The following C3orf33 variants were observed in gnomAD, a reference collection of about 807,000 sequenced individuals.
C3orf33 encodes the protein mitochondrial inner membrane subdomain organizer 1.
C3orf33 carries 23 observed loss-of-function variants against 28.7 expected under a neutral mutation model. That is an observed-to-expected ratio of 0.80 (90% CI 0.58 to 1.13). The LOEUF (loss-of-function observed/expected upper bound fraction) is 1.13, where lower values mean the gene tolerates loss of function less well. Ranked by LOEUF, C3orf33 falls within the 50% of genes most tolerant of loss-of-function variation. The pLI, the probability that C3orf33 is intolerant of heterozygous loss-of-function variation, is 0.00. For synonymous variants in C3orf33, 119 were observed against 120.5 expected (o/e 0.99, Z 0.08); for missense variants, 327 against 353.4 (o/e 0.93, Z 0.60).
intron 4 of C3orf33, among the ~76,000 whole-genome samples, chr3:155,764,635 A>G (rs966598815): frequency 9.2e-5 from 14 of 151,852 alleles, no homozygotes; most frequent in African/African-American, 3.4e-4. Flanking sequence ...GGCAGATCAC[A>G]AGGTCAGGAG....
chr3:155,779,885 G>A (rs1750865707), intron 2 of C3orf33, among the ~76,000 whole-genome samples: 1 of 152,118 alleles, frequency 6.6e-6, no homozygotes, highest in African/African-American at 2.4e-5. Context: ...AAAATCAAAG[G>A]AGCACCAATG....
intron 2 of C3orf33, among the ~76,000 whole-genome samples, chr3:155,798,751 A>C (rs907698856): frequency 6.6e-6 from 1 of 152,176 alleles, no homozygotes; most frequent in Non-Finnish European, 1.5e-5. Context: ...ACAGGCAACC[A>C]AAGAAAAAAT....
chr3:155,771,752 C>T (rs1750600056), intron 3 of C3orf33, among the ~76,000 whole-genome samples: 1 of 152,184 alleles, frequency 6.6e-6, no homozygotes, highest in Admixed American at 6.6e-5. Context: ...GTGAATCCCT[C>T]TATCTTCTGA....
At chr3:155,794,211 C>T (rs527798435) in intron 2 of C3orf33, among the ~76,000 whole-genome samples, 322 of 152,194 alleles carry the variant, frequency 2.1e-3, no homozygotes, top group Non-Finnish European at 3.7e-3. Flanking sequence ...AAACTCCTGA[C>T]CTCAGGTGAT....
chr3:155,771,036 T>TGTGTGTGA (rs1270792676), intron 3 of C3orf33, among the ~76,000 whole-genome samples: 7 of 150,440 alleles, frequency 4.7e-5, no homozygotes, highest in African/African-American at 1.5e-4. Flanking sequence ...TGTGTGTGTG[T>TGTGTGTGA]GTGTGTGTGT....
At position 155,792,039 on chromosome 3, in the gene C3orf33, T is replaced by C. The variant is rs140093161; in HGVS notation, c.174+10493A>G. 4.1e-3 allele frequency among the ~76,000 whole-genome samples: 618 copies of C among 152,194 alleles called. 5 individuals are homozygous for C. The highest frequency in any genetic ancestry group is 0.014 in the African/African-American group (574 of 41,540). On this transcript the variant is annotated intron_variant, in intron 2 of 4. Transcript: ENST00000340171. ...GCCCTGGGAGAGACGCAGTGCTGTGTTGGCTTCAGGTCTGACCAAATACAA... is the reference window on the plus strand; with the variant it reads ...GCCCTGGGAGAGACGCAGTGCTGTGCTGGCTTCAGGTCTGACCAAATACAA...
rs1750454956 is a variant in C3orf33 at position 155,767,676 on chromosome 3, A to C, written c.323-7T>G. The C allele has an allele frequency of 1.3e-6, 2 of 1,507,722 alleles. No individual in the cohort carries two copies. Among genetic ancestry groups the C allele is most frequent in the Non-Finnish European group, 1.8e-6 (2 of 1,118,160 alleles). The allele number at this position is 1,507,722 out of a possible 1,614,324, so 93.4% of individuals were successfully genotyped here. ...AAAGCACCACGTGGCTCTTCTAAAAAGGTTAGGTAGAAAAGAGTTTAGCTT... is the reference window on the plus strand; with the variant it reads ...AAAGCACCACGTGGCTCTTCTAAAACGGTTAGGTAGAAAAGAGTTTAGCTT... On this transcript the variant is annotated splice_region_variant and splice_polypyrimidine_tract_variant and intron_variant, in intron 3 of 4. Transcript: ENST00000340171.
intron 4 of C3orf33, among the ~76,000 whole-genome samples, chr3:155,766,837 C>A (rs1750420385): frequency 6.6e-6 from 1 of 152,108 alleles, no homozygotes. Flanking sequence ...GTAGTCCCAG[C>A]TACTTGGGAG....
At chr3:155,769,416 A>C (rs1486739595) in intron 3 of C3orf33, among the ~76,000 whole-genome samples, 1 of 150,472 alleles carries the variant, frequency 6.6e-6, no homozygotes, top group African/African-American at 2.5e-5. Flanking sequence ...TCAATCTAGG[A>C]GGCAGAAGCT....
intron 2 of C3orf33, among the ~76,000 whole-genome samples, chr3:155,793,829 T>A (rs200878309): frequency 0.027 from 2,262 of 83,876 alleles, 186 homozygotes; most frequent in African/African-American, 0.079. Flanking sequence ...AAAAAAAAAC[T>A]AAAAAAACTA....
Position 155,763,569 on chromosome 3 carries a change from A to G in C3orf33, c.833T>C (p.Ile278Thr), listed in dbSNP as rs1287900306. 6.4e-7 allele frequency: 1 copy of G among 1,567,872 alleles called. No individual in the cohort carries two copies. Among genetic ancestry groups the G allele is most frequent in the Non-Finnish European group, 8.6e-7 (1 of 1,167,268 alleles). ...WKDNMNNCSL[I>T]LKFRELISRI... The stretch of plus-strand genomic sequence containing the variant: ...ACTTATAAGTTCTCTGAACTTCAGT[A>G]TTAAGGAGCAGTTGTTCATGTTGTC... The change falls in exon 5 of 5, where the codon ATA (isoleucine) becomes ACA (threonine). Residue 278 changes from isoleucine (I) to threonine (T), a missense_variant. Coordinates refer to ENST00000340171, the MANE Select transcript of C3orf33 (RefSeq NM_001308229.2).
At position 155,789,935 on chromosome 3, in the gene C3orf33, G is replaced by A. The variant is rs146920833; in HGVS notation, c.174+12597C>T. 4.1e-3 allele frequency among the ~76,000 whole-genome samples: 617 copies of A among 152,040 alleles called. 5 individuals are homozygous for A. Among genetic ancestry groups the A allele is most frequent in the African/African-American group, 0.014 (571 of 41,466 alleles). ...CCCAGCACTTTGGGAGGCCAAGGTG[G>A]GTGGATAACTTGAGACCAGGAGTTT... On this transcript the variant is annotated intron_variant, in intron 2 of 4. Coordinates refer to ENST00000340171, the MANE Select transcript of C3orf33 (RefSeq NM_001308229.2).
chr3:155,790,249 C>A (rs1751272892), intron 2 of C3orf33, among the ~76,000 whole-genome samples: 1 of 145,476 alleles, frequency 6.9e-6, no homozygotes, highest in South Asian at 2.2e-4. Context: ...AAAGGTCAGG[C>A]CCTTATCTAA....
At position 155,762,823 on chromosome 3, in the gene C3orf33, A is replaced by G. The variant is rs1054562295; in HGVS notation, c.*694T>C. On this transcript the variant is annotated 3_prime_UTR_variant, in exon 5 of 5. Coordinates refer to ENST00000340171, the MANE Select transcript of C3orf33 (RefSeq NM_001308229.2). ...GGCGGAGGTTGCAGTGAACCAAGAT[A>G]ACGCCACTGCACTCCTGCCTGGGTG... 3 of 151,852 alleles carry G rather than the reference A, an allele frequency of 2.0e-5. No individual in the cohort carries two copies. The highest frequency in any genetic ancestry group is 4.4e-5 in the Non-Finnish European group (3 of 67,964). The allele number at this position is 151,852 out of a possible 1,614,324, so 9.4% of individuals were successfully genotyped here. A position where few individuals can be genotyped will look rare whatever the true frequency, so the allele number is the denominator to read the frequency against.
intron 3 of C3orf33, among the ~76,000 whole-genome samples, chr3:155,770,592 A>C (rs536287831): frequency 6.6e-6 from 1 of 152,352 alleles, no homozygotes; most frequent in South Asian, 2.1e-4. Context: ...AGTATTTAAA[A>C]TATAATATGA....
chr3:155,788,340 G>C (rs34317674), intron 2 of C3orf33, among the ~76,000 whole-genome samples: 87,819 of 151,816 alleles, frequency 0.58, 25,826 homozygotes, highest in Middle Eastern at 0.7. Flanking sequence ...TAACACTTAA[G>C]AAACTAAGAA....
chr3:155,775,085 G>C (rs1205633400), intron 3 of C3orf33, among the ~76,000 whole-genome samples: 1 of 151,998 alleles, frequency 6.6e-6, no homozygotes, highest in Non-Finnish European at 1.5e-5. Context: ...AAGCTTCAAG[G>C]GTTAAAAGAG....
intron 2 of C3orf33, among the ~76,000 whole-genome samples, chr3:155,791,255 C>A (rs1016784252): frequency 6.6e-6 from 1 of 152,088 alleles, no homozygotes; most frequent in African/African-American, 2.4e-5. Flanking sequence ...AGAGAAGAAC[C>A]CAGTCCTGGC....
At chr3:155,774,666 CTTTTT>C (rs62815064) in intron 3 of C3orf33, among the ~76,000 whole-genome samples, 18 of 95,234 alleles carry the variant, frequency 1.9e-4, no homozygotes, top group South Asian at 7.4e-4. Context: ...TATTGTTTTG[CTTTTT>C]TTTTTTTTTT....
Sources: gnomAD v4.1 joint callset for allele counts (sites outside exome capture counted in the v4.1 genomes callset) on GRCh38, gnomAD v4.1.1 for gene constraint, MANE v1.5 for transcripts, NCBI Gene and HGNC (gene_info 2026-07-23, HGNC 2026-07-21) for gene names.